EXOC4: variants seen among roughly 807,000 people sequenced by gnomAD.
EXOC4 encodes the protein exocyst complex component 4, also known as SEC8-like 1.
A neutral mutation model predicts 107.2 loss-of-function variants in EXOC4; 71 were observed. That is an observed-to-expected ratio of 0.66 (90% CI 0.55 to 0.81). The LOEUF (loss-of-function observed/expected upper bound fraction) is 0.81. Ranked by LOEUF, EXOC4 falls within the 30% of genes least tolerant of loss-of-function variation. The pLI is 0.00. For synonymous variants in EXOC4, 456 were observed against 441.2 expected (o/e 1.03, Z -0.42); for missense variants, 1,108 against 1,189.6 (o/e 0.93, Z 1.01).
chr7:133,760,744 A>C (rs1356641205), intron 10 of EXOC4, among the ~76,000 whole-genome samples: 4 of 152,126 alleles, frequency 2.6e-5, no homozygotes, highest in Admixed American at 1.3e-4. Flanking sequence ...AAAAAAAAAA[A>C]AAAGTTTAAA....
In EXOC4 at chr7:133,857,182, A is replaced by G. The variant is rs370760035; in HGVS notation, c.1735-38417A>G. Among the ~76,000 whole-genome samples the G allele has an allele frequency of 1.5e-3, 26 of 17,922 alleles. 2 individuals carry two copies. Among genetic ancestry groups the G allele is most frequent in the South Asian group, 0.014 (6 of 442 alleles). 11.8% of individuals were successfully genotyped at this position (17,922 alleles called of 152,430 possible). ...TATATATATATATATATATATATAT[A>G]TATATATATATATATATATTTTACC... On this transcript the variant is annotated intron_variant, in intron 11 of 17. Coordinates refer to ENST00000253861, the MANE Select transcript of EXOC4 (RefSeq NM_021807.4).
Position 133,801,554 on chromosome 7 carries a change from C to CG in EXOC4, c.1515-15765dup, listed in dbSNP as rs560732213. On this transcript the variant is annotated intron_variant, in intron 10 of 17. Coordinates refer to ENST00000253861, the MANE Select transcript of EXOC4 (RefSeq NM_021807.4). ...TGGATCCTGTGGGAACCTGAGTTGG[C>CG]GGGGGGCTCTGCAGTGAAATAATCC... Among the ~76,000 whole-genome samples, 145 of 152,190 alleles carry CG rather than the reference C, an allele frequency of 9.5e-4. 1 individual carries two copies. Among genetic ancestry groups the CG allele is most frequent in the Non-Finnish European group, 1.7e-3 (118 of 68,008 alleles).
intron 7 of EXOC4, among the ~76,000 whole-genome samples, chr7:133,444,800 C>T (rs1424610536): frequency 6.6e-6 from 1 of 151,994 alleles, no homozygotes; most frequent in African/African-American, 2.4e-5. Context: ...GCAGGTTGGT[C>T]GGTGGTGTCA....
rs1181247570 is a variant in EXOC4, at chr7:133,583,420, A to T, written c.1418-46625A>T. ...AGTTACGTAAAGAAGTAATGGTGGC[A>T]CCCCAGGGACTGAAATGCTGTTCAG... On this transcript the variant is annotated intron_variant, in intron 9 of 17. Coordinates refer to ENST00000253861, the MANE Select transcript of EXOC4 (RefSeq NM_021807.4). 2.0e-5 allele frequency among the ~76,000 whole-genome samples: 3 copies of T among 152,172 alleles called. No individual in the cohort carries two copies. In the East Asian group the frequency reaches 5.8e-4, roughly 29 times the overall value.
chr7:133,608,555 T>TC (rs1406591630), intron 9 of EXOC4, among the ~76,000 whole-genome samples: 1 of 144,204 alleles, frequency 6.9e-6, no homozygotes, highest in African/African-American at 2.6e-5. Flanking sequence ...TCTTTTTTTT[T>TC]TTTTTTTTTT....
At chr7:134,049,703 C>A (rs979119788) in intron 17 of EXOC4, among the ~76,000 whole-genome samples, 1 of 152,228 alleles carries the variant, frequency 6.6e-6, no homozygotes, top group Admixed American at 6.5e-5. Flanking sequence ...ACTTTCACAC[C>A]AGACTCTGCA....
At chr7:133,458,464 T>A (rs1798514336) in intron 7 of EXOC4, among the ~76,000 whole-genome samples, 1 of 152,198 alleles carries the variant, frequency 6.6e-6, no homozygotes, top group East Asian at 1.9e-4. Flanking sequence ...GGGACACAGG[T>A]GCAGCAAATT....
intron 10 of EXOC4, among the ~76,000 whole-genome samples, chr7:133,716,866 G>A (rs561140690): frequency 3.9e-5 from 6 of 152,144 alleles, no homozygotes; most frequent in Admixed American, 2.6e-4. Context: ...CTAGAACCTG[G>A]GAGGCAGAGA....
At chr7:133,688,237 G>A (rs1794347827) in intron 10 of EXOC4, among the ~76,000 whole-genome samples, 1 of 152,146 alleles carries the variant, frequency 6.6e-6, no homozygotes, top group Non-Finnish European at 1.5e-5. Flanking sequence ...GGGTTGAAAT[G>A]TTGCTCTCTG....
chr7:133,956,571 C>T (rs1800824193), intron 14 of EXOC4, among the ~76,000 whole-genome samples: 1 of 152,174 alleles, frequency 6.6e-6, no homozygotes, highest in Admixed American at 6.5e-5. Flanking sequence ...GCTGGCAGCT[C>T]AGTGGGGGCT....
chr7:133,920,672 T>C (rs1170949945), intron 13 of EXOC4, among the ~76,000 whole-genome samples: 4 of 152,234 alleles, frequency 2.6e-5, no homozygotes, highest in South Asian at 4.1e-4. Context: ...GTTATTGTTA[T>C]TATTTTGAAC....
intron 10 of EXOC4, among the ~76,000 whole-genome samples, chr7:133,673,077 C>T (rs576018563): frequency 6.6e-6 from 1 of 152,202 alleles, no homozygotes; most frequent in Non-Finnish European, 1.5e-5. Context: ...TCACCCCTCC[C>T]CAGTTCTTCC....
chr7:134,040,293 T>C (rs960193763), intron 17 of EXOC4, among the ~76,000 whole-genome samples: 42 of 152,372 alleles, frequency 2.8e-4, no homozygotes, highest in Middle Eastern at 3.4e-3. Flanking sequence ...AAAACTTGCC[T>C]GATAACTGTT....
At chr7:134,039,158 A>G (rs892827284) in intron 17 of EXOC4, among the ~76,000 whole-genome samples, 3 of 152,186 alleles carry the variant, frequency 2.0e-5, no homozygotes, top group African/African-American at 4.8e-5. Context: ...ATAATGATCA[A>G]TAGATATAGA....
At position 133,553,623 on chromosome 7, in the gene EXOC4, C is replaced by T. The variant is rs1185247832; in HGVS notation, c.1417+73485C>T. Among the ~76,000 whole-genome samples the T allele has an allele frequency of 5.3e-5, 8 of 152,156 alleles. No homozygotes were observed. In the South Asian group the frequency reaches 8.3e-4, roughly 16 times the overall value. On this transcript the variant is annotated intron_variant, in intron 9 of 17. Coordinates refer to ENST00000253861, the MANE Select transcript of EXOC4 (RefSeq NM_021807.4). ...AAAATCTGATTTGTCTCTCAAGACT[C>T]ATCTCAGATATGACTTTGTCCCTTA...
At chr7:133,303,656 A>G (rs577235967) in intron 3 of EXOC4, among the ~76,000 whole-genome samples, 8 of 152,188 alleles carry the variant, frequency 5.3e-5, no homozygotes, top group Non-Finnish European at 7.3e-5. Flanking sequence ...TTATAGAAAT[A>G]AGAGACTATT....
chr7:133,994,757 TTGTGTGTGTGTGTGTG>T (rs68167254), intron 14 of EXOC4, among the ~76,000 whole-genome samples: 24 of 148,490 alleles, frequency 1.6e-4, no homozygotes, highest in African/African-American at 5.9e-4. Context: ...GTACAAGGTT[TTGTGTGTGTGTGTGTG>T]TGTGTGTGTG....
At chr7:133,630,257 C>T in intron 10 of EXOC4, 116 bp downstream of exon 10, 2 of 742,544 alleles carry the variant, frequency 2.7e-6, no homozygotes, top group East Asian at 2.6e-5. Flanking sequence ...GAAATTTATT[C>T]CATTTTTAGG....
chr7:133,858,220 G>A (rs1294721085), intron 11 of EXOC4, among the ~76,000 whole-genome samples: 2 of 152,178 alleles, frequency 1.3e-5, no homozygotes, highest in Non-Finnish European at 2.9e-5. Context: ...CAAACAACTG[G>A]AGGGTAAGCA....
Sources: gnomAD v4.1 joint callset for allele counts (sites outside exome capture counted in the v4.1 genomes callset) on GRCh38, gnomAD v4.1.1 for gene constraint, MANE v1.5 for transcripts, NCBI Gene and HGNC (gene_info 2026-07-23, HGNC 2026-07-21) for gene names.